Variants in RGL1 observed in about 807,000 individuals in gnomAD.
The protein encoded by RGL1 is ral guanine nucleotide dissociation stimulator like 1.
Under a neutral mutation model 95.2 loss-of-function variants are expected in RGL1, and 24 were observed. The observed-to-expected ratio is 0.25, with a 90% CI of 0.18 to 0.35. The LOEUF is 0.35. Ranked by LOEUF, RGL1 falls within the 10% of genes least tolerant of loss-of-function variation. The pLI, the probability that RGL1 is intolerant of heterozygous loss-of-function variation, is 1.00. For missense variants in RGL1, 715 were observed against 936.3 expected, an observed-to-expected ratio of 0.76 and a Z score of 3.08; for synonymous variants, 329 against 344.9, an observed-to-expected ratio of 0.95 and a Z score of 0.51.
chr1:183,638,025 G>A (rs1040770198), intron 1 of RGL1, among the ~76,000 whole-genome samples: 3 of 151,950 alleles, frequency 2.0e-5, no homozygotes, highest in Admixed American at 6.6e-5. Flanking sequence ...AGAGAAAATC[G>A]AACATTAGAG....
At position 183,926,972 on chromosome 1, in the gene RGL1, G is replaced by A. The variant is rs1669648490; in HGVS notation, c.*680G>A. The A allele has an allele frequency of 1.3e-5, 2 of 152,620 alleles. No homozygotes were observed. The highest frequency in any genetic ancestry group is 2.4e-5 in the African/African-American group (1 of 41,412). The allele number at this position is 152,620 out of a possible 1,614,324, so 9.5% of individuals were successfully genotyped here. A position where few individuals can be genotyped will look rare whatever the true frequency, so the allele number is the denominator to read the frequency against. On this transcript the variant is annotated 3_prime_UTR_variant, in exon 18 of 18. Coordinates refer to ENST00000360851, the MANE Select transcript of RGL1 (RefSeq NM_001297671.3). ...TCTGCTACCCTAGGGAGGCCAGGAG[G>A]AGCTTCGGAGGACCATCGCCCCACT...
chr1:183,681,661 C>T (rs576172220), intron 1 of RGL1, among the ~76,000 whole-genome samples: 2 of 152,208 alleles, frequency 1.3e-5, no homozygotes, highest in African/African-American at 2.4e-5. Context: ...CTCTGCCAGG[C>T]GTTGGTATCA....
chr1:183,697,737 A>G (rs1654338819), intron 1 of RGL1, among the ~76,000 whole-genome samples: 1 of 152,240 alleles, frequency 6.6e-6, no homozygotes, highest in Non-Finnish European at 1.5e-5. Context: ...GCGTGCTGGT[A>G]CTTCATCTGC....
chr1:183,652,983 A>G (rs1319824035), intron 1 of RGL1: 1 of 152,240 alleles, frequency 6.6e-6, no homozygotes, highest in Non-Finnish European at 1.5e-5. Flanking sequence ...CACAGTTTGC[A>G]CTGGAGTAAT....
At chr1:183,637,155 TC>T (rs1310464476) in intron 1 of RGL1, among the ~76,000 whole-genome samples, 13 of 152,252 alleles carry the variant, frequency 8.5e-5, no homozygotes, top group Non-Finnish European at 1.5e-5. Flanking sequence ...ACAAGATTGT[TC>T]TTAGGATTAT....
At chr1:183,766,173 G>A (rs373158115) in intron 2 of RGL1, among the ~76,000 whole-genome samples, 14 of 152,000 alleles carry the variant, frequency 9.2e-5, no homozygotes, top group African/African-American at 3.4e-4. Flanking sequence ...TTGGTAGGCC[G>A]AGGCGGGCGG....
intron 1 of RGL1, among the ~76,000 whole-genome samples, chr1:183,701,151 T>C (rs769725232): frequency 1.3e-5 from 2 of 152,212 alleles, no homozygotes; most frequent in Non-Finnish European, 2.9e-5. Context: ...GAGATTTAGA[T>C]TGATCAATTG....
chr1:183,752,237 T>C (rs1658046624), intron 2 of RGL1, among the ~76,000 whole-genome samples: 1 of 151,966 alleles, frequency 6.6e-6, no homozygotes, highest in Non-Finnish European at 1.5e-5. Context: ...TTCTTAATTT[T>C]TTTTTTTTGA....
intron 2 of RGL1, among the ~76,000 whole-genome samples, chr1:183,829,709 G>A (rs1235018291): frequency 6.6e-6 from 1 of 152,000 alleles, no homozygotes; most frequent in Admixed American, 6.6e-5. Context: ...CTCTCCCTTG[G>A]TTCACTCTCC....
rs141114665 is a variant in RGL1 at position 183,921,651 on chromosome 1, G to A, written c.2005-571G>A. Among the ~76,000 whole-genome samples, 8 of 152,292 alleles carry A rather than the reference G, an allele frequency of 5.3e-5. No individual in the cohort carries two copies. The East Asian group carries it at 1.5e-3, about 29-fold the overall frequency. ...GTTGATGGAGATTCAGATTGATTCA[G>A]TTTTTAGCTATTGTGAATAAATCTG... On this transcript the variant is annotated intron_variant, in intron 16 of 17. Coordinates refer to ENST00000360851, the MANE Select transcript of RGL1 (RefSeq NM_001297671.3).
intron 15 of RGL1, among the ~76,000 whole-genome samples, chr1:183,912,708 G>A (rs1232495474): frequency 6.6e-6 from 1 of 152,168 alleles, no homozygotes; most frequent in Non-Finnish European, 1.5e-5. Context: ...CTGCTGGTTG[G>A]CTGATCTAGG....
At chr1:183,846,227 G>A (rs1455589747) in intron 2 of RGL1, among the ~76,000 whole-genome samples, 2 of 152,172 alleles carry the variant, frequency 1.3e-5, no homozygotes, top group African/African-American at 2.4e-5. Context: ...AAAAGGATGA[G>A]TTCATGTCCT....
intron 12 of RGL1, among the ~76,000 whole-genome samples, chr1:183,902,852 G>C (rs529738648): frequency 1.3e-5 from 2 of 152,170 alleles, no homozygotes; most frequent in East Asian, 3.9e-4. Flanking sequence ...AGAATCTCTT[G>C]GTGGCAAAGC....
intron 1 of RGL1, among the ~76,000 whole-genome samples, chr1:183,652,528 A>G (rs566502107): frequency 7.9e-5 from 12 of 152,216 alleles, no homozygotes; most frequent in Non-Finnish European, 1.0e-4. Context: ...TAGAGAATTC[A>G]TGGTTTATTG....
intron 2 of RGL1, among the ~76,000 whole-genome samples, chr1:183,822,542 G>A (rs1662561164): frequency 6.6e-6 from 1 of 152,124 alleles, no homozygotes; most frequent in African/African-American, 2.4e-5. Flanking sequence ...TTCCAGTCCT[G>A]TTGGTAGCCA....
intron 4 of RGL1, among the ~76,000 whole-genome samples, chr1:183,870,294 A>T (rs1377098043): frequency 8.3e-6 from 1 of 121,060 alleles, no homozygotes; most frequent in Non-Finnish European, 2.0e-5. Context: ...TCTTCCGGCC[A>T]GGGTAGGTGT....
At chr1:183,820,066 C>T (rs372849557) in intron 2 of RGL1, among the ~76,000 whole-genome samples, 3 of 152,078 alleles carry the variant, frequency 2.0e-5, no homozygotes, top group Admixed American at 6.5e-5. Context: ...GGATTACAGG[C>T]GTGAGCCACC....
At chr1:183,732,449 C>CGAGT (rs1296665037) in intron 1 of RGL1, among the ~76,000 whole-genome samples, 1 of 152,124 alleles carries the variant, frequency 6.6e-6, no homozygotes, top group Non-Finnish European at 1.5e-5. Context: ...GACACCCAAC[C>CGAGT]GAGTGCTCAA....
At chr1:183,812,062 G>A (rs1661757418) in intron 2 of RGL1, among the ~76,000 whole-genome samples, 1 of 152,150 alleles carries the variant, frequency 6.6e-6, no homozygotes, top group South Asian at 2.1e-4. Flanking sequence ...CATGGTATAT[G>A]TGTCTCTTTA....
Sources: gnomAD v4.1 joint callset for allele counts (sites outside exome capture counted in the v4.1 genomes callset) on GRCh38, gnomAD v4.1.1 for gene constraint, MANE v1.5 for transcripts, NCBI Gene and HGNC (gene_info 2026-07-23, HGNC 2026-07-21) for gene names.